APBB2: variants seen among roughly 807,000 people sequenced by gnomAD.
APBB2 encodes the protein amyloid beta precursor protein binding family B member 2, also known as Fe65-like 1.
In APBB2, 38 loss-of-function variants were observed where a neutral mutation model predicts 82.5. The ratio of observed to expected loss-of-function variants is 0.46; its 90% CI spans 0.36 to 0.60. The LOEUF is 0.60. Among genes scored for constraint, APBB2 ranks in the 20% least tolerant of loss-of-function variants. The pLI is 0.00. For synonymous variants in APBB2, 341 were observed against 368.2 expected (o/e 0.93, Z 0.85); for missense variants, 772 against 972.3 (o/e 0.79, Z 2.74).
intron 3 of APBB2, among the ~76,000 whole-genome samples, chr4:41,070,379 G>A (rs915386831): frequency 2.0e-5 from 3 of 150,704 alleles, no homozygotes; most frequent in Non-Finnish European, 4.4e-5. Flanking sequence ...GTGAGATCTC[G>A]GCTCACTCCA....
Position 40,812,685 on chromosome 4 carries a change from G to T in APBB2, c.*3407C>A, listed in dbSNP as rs990725537. 2.0e-5 allele frequency: 3 copies of T among 152,208 alleles called. No homozygotes were observed. The highest frequency in any genetic ancestry group is 4.4e-5 in the Non-Finnish European group (3 of 68,042). 9.4% of individuals were successfully genotyped at this position (152,208 alleles called of 1,614,324 possible). ...GGCCATACAAACAGAGGAAAGCTCT[G>T]GGGCTTCCAGGCAATGGCCTTGTGT... is the stretch of plus-strand genomic sequence containing the variant. On this transcript the variant is annotated 3_prime_UTR_variant, in exon 18 of 18. Transcript: ENST00000508593.
At chr4:41,062,269 T>A (rs1730134005) in intron 4 of APBB2, among the ~76,000 whole-genome samples, 1 of 151,922 alleles carries the variant, frequency 6.6e-6, no homozygotes, top group Non-Finnish European at 1.5e-5. Flanking sequence ...GCCTCCCAGG[T>A]TCAAGCAATT....
In APBB2 at chr4:40,832,509, C is replaced by T. The variant is rs980947730; in HGVS notation, c.1530-1932G>A. Among the ~76,000 whole-genome samples, 1 of 152,176 alleles carries T rather than the reference C, an allele frequency of 6.6e-6. No homozygotes were observed. The highest frequency in any genetic ancestry group is 2.4e-5 in the African/African-American group (1 of 41,432). On this transcript the variant is annotated intron_variant, in intron 12 of 17. Transcript: ENST00000508593. This position sits in a 1 kb window ranked among gnomAD's most constrained non-coding sequence, Gnocchi z 4.8. ...TGTCCTCCATGCTAGAACCGGACTC[C>T]CCCTGCCTCACGTGCCACACCCAAT...
intron 6 of APBB2, among the ~76,000 whole-genome samples, chr4:40,961,666 GTAAA>G (rs1560393156): frequency 3.0e-4 from 2 of 6,698 alleles, no homozygotes; most frequent in African/African-American, 1.2e-3. Flanking sequence ...AAAAAAAGAT[GTAAA>G]AAAAAAAAAA....
intron 8 of APBB2, 184 bp from the exon 9 acceptor site, chr4:40,934,883 G>A (rs1560322408): frequency 8.9e-6 from 6 of 670,726 alleles, no homozygotes; most frequent in South Asian, 5.9e-5. Context: ...ACAAAACAAC[G>A]GGGAACCTAG....
At position 41,033,250 on chromosome 4, in the gene APBB2, G is replaced by T; in HGVS notation, c.5C>A (p.Ser2Ter). Residue 2 changes from serine (S) to a stop codon, truncating the protein, a stop_gained, in exon 5 of 18, where the codon TCA (serine) becomes TAA (stop). Transcript: ENST00000508593. LOFTEE classifies it high-confidence loss of function. Reference sequence around the variant, plus strand: ...ATGTATCTGACCTGGAAGTACTTCTGACATGGATCACCAGGCGTCAGCAAT... The same window carrying T: ...ATGTATCTGACCTGGAAGTACTTCTTACATGGATCACCAGGCGTCAGCAAT... M[S>*]EVLPADSGVD... 6.3e-7 allele frequency: 1 copy of T among 1,597,292 alleles called. No homozygotes were observed. Among genetic ancestry groups the T allele is most frequent in the Non-Finnish European group, 8.6e-7 (1 of 1,167,360 alleles).
intron 10 of APBB2, among the ~76,000 whole-genome samples, chr4:40,895,984 C>T (rs1219254497): frequency 6.6e-6 from 1 of 152,100 alleles, no homozygotes; most frequent in East Asian, 1.9e-4. Flanking sequence ...CTATATGCCT[C>T]TGAGATTTTT....
chr4:40,879,692 C>T (rs1323606957), intron 12 of APBB2, among the ~76,000 whole-genome samples: 16 of 149,694 alleles, frequency 1.1e-4, no homozygotes, highest in African/African-American at 2.0e-4. Flanking sequence ...TATTTTTTTT[C>T]TTTCTTTTTT....
rs1406616269 is a variant in APBB2 at position 40,858,196 on chromosome 4, GC to G, written c.1530-27620del. Among the ~76,000 whole-genome samples, 7 of 152,174 alleles carry G rather than the reference GC, an allele frequency of 4.6e-5. No individual in the cohort carries two copies. The East Asian group carries it at 1.2e-3, about 25-fold the overall frequency. ...TTCAGCACTTTAAGTAAGAGTCCTG[GC>G]TAGCCACTAGTCATATAAATATATG... On this transcript the variant is annotated intron_variant, in intron 12 of 17. Coordinates refer to ENST00000508593, the MANE Select transcript of APBB2 (RefSeq NM_004307.2).
chr4:41,020,246 A>G (rs1811121788), intron 5 of APBB2, among the ~76,000 whole-genome samples: 1 of 152,214 alleles, frequency 6.6e-6, no homozygotes, highest in Admixed American at 6.5e-5. Flanking sequence ...TAGCCTTCCT[A>G]TCAAAAATCC....
chr4:40,816,343 A>G, intron 17 of APBB2, 84 bp from the exon 18 acceptor site: 3 of 1,442,520 alleles, frequency 2.1e-6, no homozygotes, highest in Non-Finnish European at 1.9e-6. Context: ...GACCCATAAT[A>G]CATTGACTCC....
intron 10 of APBB2, among the ~76,000 whole-genome samples, chr4:40,930,314 C>A (rs1405293586): frequency 6.6e-6 from 1 of 152,064 alleles, no homozygotes. Flanking sequence ...GAATTATATA[C>A]AAACACACAT....
intron 4 of APBB2, among the ~76,000 whole-genome samples, chr4:41,043,007 T>C (rs886943830): frequency 6.6e-6 from 1 of 152,202 alleles, no homozygotes. Flanking sequence ...GTGAGGATCC[T>C]GCGGGGGGAA....
chr4:41,044,676 CG>C (rs1444335124), intron 4 of APBB2, among the ~76,000 whole-genome samples: 5 of 152,290 alleles, frequency 3.3e-5, no homozygotes, highest in South Asian at 2.1e-4. Flanking sequence ...TTTCTTTCAG[CG>C]TAAGAGTTTC....
intron 5 of APBB2, among the ~76,000 whole-genome samples, chr4:41,025,706 G>C (rs1407803875): frequency 1.3e-5 from 2 of 151,946 alleles, no homozygotes; most frequent in East Asian, 3.9e-4. Context: ...ATCACCTCAG[G>C]TCAGGAGTTT....
intron 12 of APBB2, among the ~76,000 whole-genome samples, chr4:40,874,465 T>G (rs1314172519): frequency 2.0e-5 from 3 of 152,142 alleles, no homozygotes; most frequent in Non-Finnish European, 4.4e-5. Flanking sequence ...ATGGAAGTGC[T>G]GTTCGTAAGA....
chr4:40,886,448 C>G (rs1770312558), intron 12 of APBB2, among the ~76,000 whole-genome samples: 1 of 151,840 alleles, frequency 6.6e-6, no homozygotes, highest in Admixed American at 6.6e-5. Flanking sequence ...CCATTGCACT[C>G]CAGCCTGGGG....
chr4:41,027,972 G>C (rs16852732), intron 5 of APBB2, among the ~76,000 whole-genome samples: 6,977 of 152,292 alleles, frequency 0.046, 341 homozygotes, highest in African/African-American at 0.12. Flanking sequence ...GTGGGTATAA[G>C]TTCAGATTTA....
chr4:40,842,721 T>C (rs1160028282), intron 12 of APBB2, among the ~76,000 whole-genome samples: 1 of 152,172 alleles, frequency 6.6e-6, no homozygotes, highest in African/African-American at 2.4e-5. Flanking sequence ...CATTTTCCAG[T>C]TCCACCTGCT....
Sources: allele counts gnomAD v4.1 joint callset (sites outside exome capture counted in the v4.1 genomes callset), GRCh38; gene constraint gnomAD v4.1.1; non-coding constraint Gnocchi (gnomAD v3.1); transcripts MANE v1.5; gene names NCBI Gene and HGNC (gene_info 2026-07-23, HGNC 2026-07-21).